Variants in NUP210 observed in about 807,000 individuals in gnomAD.
The protein encoded by NUP210 is nuclear pore membrane glycoprotein 210.
Under a neutral mutation model 196.0 loss-of-function variants are expected in NUP210, and 151 were observed. The ratio of observed to expected loss-of-function variants is 0.77; its 90% CI spans 0.67 to 0.88. NUP210 has a LOEUF of 0.88. NUP210 is among the 40% of genes least tolerant of loss of function. The probability of loss-of-function intolerance (pLI) is 0.00; values close to 1 mark genes in which losing one functional copy is unlikely to be tolerated. For missense variants in NUP210, 2,314 were observed against 2,493.7 expected (o/e 0.93, Z 1.53); for synonymous variants, 1,070 against 1,052.7 (o/e 1.02, Z -0.32).
chr3:13,383,000 C>T lies in NUP210; in HGVS notation c.817+3275G>A, dbSNP rs528696784. ...ATCTCTATTAAAAAAAAAAAATTAGCCAGGCATGTGGTGTGTGCCTGTGGT... is the reference window on the plus strand; with the variant it reads ...ATCTCTATTAAAAAAAAAAAATTAGTCAGGCATGTGGTGTGTGCCTGTGGT... On this transcript the variant is annotated intron_variant, in intron 6 of 39. Coordinates refer to ENST00000254508, the MANE Select transcript of NUP210 (RefSeq NM_024923.4). 7.2e-5 allele frequency among the ~76,000 whole-genome samples: 11 copies of T among 152,084 alleles called. 1 individual carries two copies. The highest frequency in any genetic ancestry group is 2.7e-4 in the African/African-American group (11 of 41,478).
chr3:13,373,332 G>C (rs535900878), intron 12 of NUP210, among the ~76,000 whole-genome samples: 1 of 152,254 alleles, frequency 6.6e-6, no homozygotes, highest in South Asian at 2.1e-4. Context: ...TGAGTGAAGA[G>C]AGAGGAGTCT....
chr3:13,320,405 G>A (rs1168157820), intron 36 of NUP210, among the ~76,000 whole-genome samples: 8 of 152,160 alleles, frequency 5.3e-5, no homozygotes, highest in East Asian at 3.9e-4. Flanking sequence ...AGGCTGAGGC[G>A]GGCAGATCAT....
intron 16 of NUP210, among the ~76,000 whole-genome samples, chr3:13,357,144 A>ACAGGAGTGGCGCATG (rs927628313): frequency 3.9e-5 from 6 of 152,168 alleles, no homozygotes; most frequent in African/African-American, 1.4e-4. Flanking sequence ...AAGGGTGAAG[A>ACAGGAGTGGCGCATG]CAGGAGTGGC....
At chr3:13,403,976 G>T (rs899902437) in intron 1 of NUP210, among the ~76,000 whole-genome samples, 1 of 152,206 alleles carries the variant, frequency 6.6e-6, no homozygotes, top group Non-Finnish European at 1.5e-5. Context: ...CTCCCCTGGG[G>T]CCTGCTCTCT....
At position 13,379,394 on chromosome 3, in the gene NUP210, G is replaced by A. The variant is rs762882551; in HGVS notation, c.976+169C>T. Among the ~76,000 whole-genome samples the A allele has an allele frequency of 2.6e-5, 4 of 152,148 alleles. No homozygotes were observed. Among genetic ancestry groups the A allele is most frequent in the Non-Finnish European group, 5.9e-5 (4 of 68,018 alleles). ...GAGCCTCTGGGGTGAGTCACCCACA[G>A]CCGTGAGCAATTCCACTCAGCAGTG... is the stretch of plus-strand genomic sequence containing the variant. On this transcript the variant is annotated intron_variant, in intron 7 of 39. Coordinates refer to ENST00000254508, the MANE Select transcript of NUP210 (RefSeq NM_024923.4). The surrounding 1 kb of genome is among the most constrained non-coding windows in gnomAD (Gnocchi z 4.2).
intron 13 of NUP210, among the ~76,000 whole-genome samples, chr3:13,369,476 T>TA (rs934363091): frequency 3.6e-4 from 55 of 151,390 alleles, no homozygotes; most frequent in South Asian, 1.7e-3. Context: ...GTGTTATACC[T>TA]AAAAAAAAAT....
chr3:13,370,323 T>C (rs6442376), intron 13 of NUP210, among the ~76,000 whole-genome samples: 88,610 of 152,058 alleles, frequency 0.58, 27,069 homozygotes, highest in African/African-American at 0.77. Context: ...AGAAACGCCC[T>C]GCATCGTGCT....
At chr3:13,380,727 C>T (rs928563750) in intron 6 of NUP210, among the ~76,000 whole-genome samples, 5 of 152,224 alleles carry the variant, frequency 3.3e-5, no homozygotes, top group African/African-American at 1.2e-4. Context: ...CTCAGGGCTT[C>T]AACACCCCAT....
At chr3:13,389,536 T>C (rs985054431) in intron 4 of NUP210, among the ~76,000 whole-genome samples, 1 of 152,204 alleles carries the variant, frequency 6.6e-6, no homozygotes. Context: ...TCCAGGTCTC[T>C]GACTCTCTGG....
chr3:13,356,196 C>T (rs1346502455), intron 16 of NUP210, among the ~76,000 whole-genome samples: 4 of 152,232 alleles, frequency 2.6e-5, no homozygotes, highest in South Asian at 2.1e-4. Context: ...CTGGCTCTAC[C>T]TTGTCATTCT....
chr3:13,415,321 C>A (rs113013004), intron 1 of NUP210, among the ~76,000 whole-genome samples: 84 of 152,296 alleles, frequency 5.5e-4, no homozygotes, highest in African/African-American at 1.8e-3. Flanking sequence ...AGTGCTTGTC[C>A]CCTGGTGCTC....
intron 39 of NUP210, among the ~76,000 whole-genome samples, chr3:13,318,287 A>T (rs1696356040): frequency 6.6e-6 from 1 of 152,184 alleles, no homozygotes; most frequent in Admixed American, 6.5e-5. Context: ...AGCCGCGAGG[A>T]GGCCGAGCAC....
chr3:13,331,245 TG>T (rs1237151699), intron 29 of NUP210, among the ~76,000 whole-genome samples: 2 of 152,210 alleles, frequency 1.3e-5, no homozygotes, highest in African/African-American at 4.8e-5. Context: ...TACTATGTAC[TG>T]GGTAGGAAGC....
intron 6 of NUP210, among the ~76,000 whole-genome samples, chr3:13,380,229 C>A (rs1285050422): frequency 2.0e-5 from 3 of 152,134 alleles, no homozygotes; most frequent in Admixed American, 1.3e-4. Flanking sequence ...AAATAACTTG[C>A]CCAACGTGGG....
chr3:13,317,411 T>C lies in NUP210; in HGVS notation c.*270A>G. On this transcript the variant is annotated 3_prime_UTR_variant, in exon 40 of 40. Transcript: ENST00000254508. ...GCAACAGCACATTGTCCAGAAACCC[T>C]AGACAACCATGCAAAAAGGAATGAG... The C allele has an allele frequency of 2.0e-6, 1 of 488,648 alleles. No homozygotes were observed. 30.3% of individuals were successfully genotyped at this position (488,648 alleles called of 1,614,324 possible).
Position 13,340,481 on chromosome 3 carries a change from C to T in NUP210, c.3229-183G>A, listed in dbSNP as rs553442584. ...TGGGGGCTGTCTCCCAGCCACTGGCCGAGGCTCCCTGGTTCTCTGGGGTGT... is the reference window on the plus strand; with the variant it reads ...TGGGGGCTGTCTCCCAGCCACTGGCTGAGGCTCCCTGGTTCTCTGGGGTGT... On this transcript the variant is annotated intron_variant, in intron 23 of 39. Coordinates refer to ENST00000254508, the MANE Select transcript of NUP210 (RefSeq NM_024923.4). This position sits in a 1 kb window ranked among gnomAD's most constrained non-coding sequence, Gnocchi z 4.0. 1.5e-4 allele frequency among the ~76,000 whole-genome samples: 23 copies of T among 152,290 alleles called. No homozygotes were observed. Among genetic ancestry groups the T allele is most frequent in the East Asian group, 9.7e-4 (5 of 5,170 alleles).
intron 1 of NUP210, among the ~76,000 whole-genome samples, chr3:13,406,580 AT>A (rs747526915): frequency 6.6e-6 from 1 of 152,192 alleles, no homozygotes; most frequent in African/African-American, 2.4e-5. Context: ...CAACACTTTC[AT>A]CTGCCACCCA....
chr3:13,339,592 C>A (rs1337209716), intron 25 of NUP210, among the ~76,000 whole-genome samples: 1 of 152,218 alleles, frequency 6.6e-6, no homozygotes, highest in Non-Finnish European at 1.5e-5. Context: ...CCTTTGGGGC[C>A]GGGAGTTGCT....
At chr3:13,335,765 G>C (rs1319507245) in intron 27 of NUP210, among the ~76,000 whole-genome samples, 153 bp from the exon 28 acceptor site, 1 of 152,242 alleles carries the variant, frequency 6.6e-6, no homozygotes, top group Non-Finnish European at 1.5e-5. Flanking sequence ...GCCTGGGTTG[G>C]GTCTGCTAAC....
Sources: allele counts gnomAD v4.1 joint callset (sites outside exome capture counted in the v4.1 genomes callset), GRCh38; gene constraint gnomAD v4.1.1; non-coding constraint Gnocchi (gnomAD v3.1); transcripts MANE v1.5; gene names NCBI Gene and HGNC (gene_info 2026-07-23, HGNC 2026-07-21).